PCDH7: variants seen among roughly 807,000 people sequenced by gnomAD.
PCDH7 encodes protocadherin-7.
In PCDH7, 17 loss-of-function variants were observed where a neutral mutation model predicts 58.9. That is an observed-to-expected ratio of 0.29 (90% CI 0.20 to 0.43). PCDH7 has a LOEUF of 0.43. PCDH7 is among the 20% of genes least tolerant of loss of function. The probability of loss-of-function intolerance (pLI) is 1.00; values close to 1 mark genes in which losing one functional copy is unlikely to be tolerated. For missense variants in PCDH7, 1,274 were observed against 1,441.0 expected (o/e 0.88, Z 1.88); for synonymous variants, 664 against 616.4 (o/e 1.08, Z -1.14).
intron 1 of PCDH7, among the ~76,000 whole-genome samples, chr4:30,780,035 C>T (rs537667398): frequency 1.1e-4 from 16 of 152,180 alleles, no homozygotes; most frequent in African/African-American, 2.6e-4. Flanking sequence ...TATCATTTTA[C>T]GTTTTTATTA....
At chr4:31,072,374 T>C (rs1758617446) in intron 3 of PCDH7, among the ~76,000 whole-genome samples, 1 of 152,078 alleles carries the variant, frequency 6.6e-6, no homozygotes. Flanking sequence ...CCTGTAAATG[T>C]ATAGATGTGT....
At chr4:30,861,105 A>C (rs1734140180) in intron 1 of PCDH7, among the ~76,000 whole-genome samples, 1 of 152,168 alleles carries the variant, frequency 6.6e-6, no homozygotes, top group South Asian at 2.1e-4. Flanking sequence ...GCAAGAGAGA[A>C]ATGTTCTTGG....
intron 1 of PCDH7, among the ~76,000 whole-genome samples, chr4:30,872,070 T>C (rs115877134): frequency 4.1e-4 from 63 of 152,240 alleles, no homozygotes; most frequent in African/African-American, 1.4e-3. Flanking sequence ...TTTATAGTTA[T>C]CAGGGGTTAA....
intron 3 of PCDH7, among the ~76,000 whole-genome samples, chr4:30,973,380 A>G (rs1338931849): frequency 1.3e-5 from 2 of 152,180 alleles, no homozygotes; most frequent in East Asian, 3.8e-4. Flanking sequence ...ATGTTTTAGA[A>G]TCAAATCATA....
intron 3 of PCDH7, among the ~76,000 whole-genome samples, chr4:31,022,707 A>G (rs1182799308): frequency 2.6e-5 from 4 of 152,194 alleles, no homozygotes; most frequent in Admixed American, 2.6e-4. Context: ...TGAATACCAA[A>G]TTTGTCTGTA....
intron 3 of PCDH7, among the ~76,000 whole-genome samples, chr4:31,004,049 C>T (rs776727755): frequency 2.0e-5 from 3 of 152,118 alleles, no homozygotes; most frequent in Non-Finnish European, 4.4e-5. Flanking sequence ...GTCCTAAAGT[C>T]TCCAAGGAGA....
chr4:30,835,144 C>T (rs998761944), intron 1 of PCDH7, among the ~76,000 whole-genome samples: 1 of 151,976 alleles, frequency 6.6e-6, no homozygotes, highest in African/African-American at 2.4e-5. Flanking sequence ...AGGGAAAATT[C>T]GTAATAATTG....
chr4:30,963,766 T>A (rs995107061), intron 3 of PCDH7, among the ~76,000 whole-genome samples: 3 of 152,130 alleles, frequency 2.0e-5, no homozygotes, highest in Non-Finnish European at 4.4e-5. Flanking sequence ...TACCCCTTTT[T>A]CTCATTTCCA....
At chr4:31,137,342 G>T (rs1056823338) in intron 3 of PCDH7, among the ~76,000 whole-genome samples, 1 of 152,236 alleles carries the variant, frequency 6.6e-6, no homozygotes, top group Non-Finnish European at 1.5e-5. Flanking sequence ...CAGCACTTTG[G>T]CAGGCTGAGG....
intron 3 of PCDH7, among the ~76,000 whole-genome samples, chr4:31,032,729 C>A: frequency 7.3e-6 from 1 of 137,210 alleles, no homozygotes; most frequent in East Asian, 2.3e-4. Context: ...GGAAAGAGTA[C>A]ATGTCATTGC....
chr4:30,853,547 A>T (rs774408160), intron 1 of PCDH7, among the ~76,000 whole-genome samples: 1 of 152,174 alleles, frequency 6.6e-6, no homozygotes, highest in Non-Finnish European at 1.5e-5. Context: ...TCCTAGGAGG[A>T]TTCATTCAAG....
At chr4:30,888,516 T>TG in intron 1 of PCDH7, among the ~76,000 whole-genome samples, 1 of 152,320 alleles carries the variant, frequency 6.6e-6, no homozygotes, top group Non-Finnish European at 1.5e-5. Context: ...TGTATGGAAC[T>TG]TATACAGACT....
At chr4:30,919,283 G>T (rs1383077989) in intron 1 of PCDH7, among the ~76,000 whole-genome samples, 1 of 150,960 alleles carries the variant, frequency 6.6e-6, no homozygotes, top group African/African-American at 2.4e-5. Flanking sequence ...TTCCTTTAAT[G>T]AGCCTAATTT....
chr4:30,857,021 T>A (rs1474832333), intron 1 of PCDH7, among the ~76,000 whole-genome samples: 2 of 152,000 alleles, frequency 1.3e-5, no homozygotes, highest in African/African-American at 4.8e-5. Context: ...AACGTGGAGG[T>A]TGAAATAGAG....
chr4:31,007,510 C>A (rs1752863370), intron 3 of PCDH7, among the ~76,000 whole-genome samples: 1 of 151,490 alleles, frequency 6.6e-6, no homozygotes. Flanking sequence ...TAACTTATGT[C>A]CAGTTTTAAT....
intron 3 of PCDH7, among the ~76,000 whole-genome samples, chr4:31,073,856 A>G (rs1758758427): frequency 6.6e-6 from 1 of 152,138 alleles, no homozygotes; most frequent in African/African-American, 2.4e-5. Flanking sequence ...TGAGGATGAA[A>G]CCTAAATTTC....
At chr4:31,061,488 T>C (rs1468404477) in intron 3 of PCDH7, among the ~76,000 whole-genome samples, 2 of 151,598 alleles carry the variant, frequency 1.3e-5, no homozygotes, top group Non-Finnish European at 3.0e-5. Context: ...ACTATTACTA[T>C]CAGAAAATAT....
intron 3 of PCDH7, among the ~76,000 whole-genome samples, chr4:30,986,141 C>G (rs920131691): frequency 6.6e-6 from 1 of 152,054 alleles, no homozygotes; most frequent in Non-Finnish European, 1.5e-5. Flanking sequence ...AAAAATTAAT[C>G]TGCATATGGA....
chr4:31,105,784 G>A (rs1226529570), intron 3 of PCDH7, among the ~76,000 whole-genome samples: 1 of 152,086 alleles, frequency 6.6e-6, no homozygotes, highest in Non-Finnish European at 1.5e-5. Flanking sequence ...GAGGTGGGCG[G>A]ATCACGAGGT....
Sources: gnomAD v4.1 joint callset for allele counts (sites outside exome capture counted in the v4.1 genomes callset) on GRCh38, gnomAD v4.1.1 for gene constraint, MANE v1.5 for transcripts, NCBI Gene and HGNC (gene_info 2026-07-23, HGNC 2026-07-21) for gene names.